Variants in GLMN observed in about 807,000 individuals in gnomAD.
The protein encoded by GLMN is glomulin.
Under a neutral mutation model 87.8 loss-of-function variants are expected in GLMN, and 75 were observed. That is an observed-to-expected ratio of 0.85 (90% CI 0.71 to 1.04). The LOEUF is 1.04. Among genes scored for constraint, GLMN ranks in the 50% least tolerant of loss-of-function variants. The pLI, the probability that GLMN is intolerant of heterozygous loss-of-function variation, is 0.00. For missense variants in GLMN, 588 were observed against 658.8 expected (o/e 0.89, Z 1.18); for synonymous variants, 206 against 221.6 (o/e 0.93, Z 0.63).
intron 9 of GLMN, among the ~76,000 whole-genome samples, chr1:92,269,072 C>T (rs901326276): frequency 2.0e-5 from 3 of 152,036 alleles, no homozygotes; most frequent in Non-Finnish European, 4.4e-5. Flanking sequence ...GCAGGCGCCA[C>T]CACTCCTGGC....
At chr1:92,362,542 A>AATC in the GLMN span, among the ~76,000 whole-genome samples, 3 of 152,180 alleles carry the variant, frequency 2.0e-5, no homozygotes, top group African/African-American at 7.2e-5. Context: ...GCTCAAGTAT[A>AATC]ATCTGCCTTA....
intron 7 of GLMN, among the ~76,000 whole-genome samples, chr1:92,282,623 T>C (rs925209536): frequency 4.0e-5 from 6 of 151,720 alleles, no homozygotes; most frequent in African/African-American, 1.5e-4. Flanking sequence ...ATAACTAAGA[T>C]CAGGGCAGAA....
chr1:92,328,940 C>T, the GLMN span, among the ~76,000 whole-genome samples: 2 of 152,324 alleles, frequency 1.3e-5, no homozygotes, highest in South Asian at 2.1e-4. Flanking sequence ...CCCAGCAGAG[C>T]TACCAGGCTT....
chr1:92,306,294 T>G, the GLMN span, among the ~76,000 whole-genome samples: 2 of 152,226 alleles, frequency 1.3e-5, no homozygotes. Context: ...TGGTAATAGT[T>G]GCACAACAGT....
chr1:92,330,235 A>C, the GLMN span, among the ~76,000 whole-genome samples: 1 of 152,158 alleles, frequency 6.6e-6, no homozygotes, highest in South Asian at 2.1e-4. Context: ...AATTGTTCAG[A>C]ATGAAGATAC....
the GLMN span, among the ~76,000 whole-genome samples, chr1:92,368,323 G>A: frequency 6.6e-6 from 1 of 152,124 alleles, no homozygotes; most frequent in Non-Finnish European, 1.5e-5. Context: ...AAGTTGCAGT[G>A]AGCCGAGATC....
the GLMN span, among the ~76,000 whole-genome samples, chr1:92,313,688 G>A: frequency 6.6e-6 from 1 of 152,128 alleles, no homozygotes; most frequent in South Asian, 2.1e-4. Context: ...TTGAAGCTTT[G>A]ATGCCACATA....
the GLMN span, among the ~76,000 whole-genome samples, chr1:92,370,504 A>G: frequency 6.6e-6 from 1 of 152,220 alleles, no homozygotes; most frequent in African/African-American, 2.4e-5. Context: ...AGAAAATAAA[A>G]TCCTGCAAGA....
intron 16 of GLMN, among the ~76,000 whole-genome samples, chr1:92,251,558 T>C (rs374883212): frequency 1.1e-4 from 16 of 152,026 alleles, no homozygotes; most frequent in African/African-American, 3.9e-4. Flanking sequence ...CCATAAATAA[T>C]GAATCATAAA....
intron 5 of GLMN, 144 bp downstream of exon 5, chr1:92,290,054 A>T: frequency 1.5e-6 from 1 of 669,272 alleles, no homozygotes; most frequent in Non-Finnish European, 2.7e-6. Flanking sequence ...CAGTATTCAC[A>T]TTGGCATTGC....
chr1:92,319,167 C>T, the GLMN span, among the ~76,000 whole-genome samples: 1 of 152,126 alleles, frequency 6.6e-6, no homozygotes, highest in Admixed American at 6.5e-5. Flanking sequence ...GAAATGACAC[C>T]TCTCTGAAAC....
At chr1:92,261,726 TATTTAATCA>T (rs1269238034) in intron 16 of GLMN, among the ~76,000 whole-genome samples, 1 of 151,786 alleles carries the variant, frequency 6.6e-6, no homozygotes, top group Non-Finnish European at 1.5e-5. Context: ...TACAGACAAA[TATTTAATCA>T]ATGTAATGAA....
chr1:92,300,941 A>G (rs183524220), upstream of GLMN, among the ~76,000 whole-genome samples: 16 of 152,358 alleles, frequency 1.1e-4, no homozygotes, highest in Admixed American at 1.0e-3. Context: ...ATACATAATT[A>G]CAAATTGTGA....
chr1:92,345,379 TAAAAAAAAA>T, the GLMN span, among the ~76,000 whole-genome samples: 1 of 73,770 alleles, frequency 1.4e-5, no homozygotes, highest in East Asian at 5.4e-4. Context: ...CCCGTTTCTT[TAAAAAAAAA>T]AAAAAAAAAA....
At chr1:92,334,528 T>C in the GLMN span, among the ~76,000 whole-genome samples, 1 of 152,028 alleles carries the variant, frequency 6.6e-6, no homozygotes, top group Non-Finnish European at 1.5e-5. Flanking sequence ...ACGACAGGGA[T>C]TTACTTTAAA....
chr1:92,309,647 CTG>C, the GLMN span, among the ~76,000 whole-genome samples: 1 of 151,970 alleles, frequency 6.6e-6, no homozygotes, highest in African/African-American at 2.4e-5. Flanking sequence ...AAAACCCAAC[CTG>C]TGAATTTAAC....
chr1:92,272,635 TAG>T (rs1557539727), intron 7 of GLMN, among the ~76,000 whole-genome samples: 1 of 152,128 alleles, frequency 6.6e-6, no homozygotes, highest in Non-Finnish European at 1.5e-5. Flanking sequence ...ATTGTGCCTG[TAG>T]AGAGTGGGAT....
chr1:92,300,333 T>A (rs76677296), upstream of GLMN: 12,314 of 957,244 alleles, frequency 0.013, 373 homozygotes, highest in African/African-American at 0.11. Context: ...CTTTTTTTTT[T>A]TAGAGAAAAT....
At chr1:92,276,423 G>T (rs190727986) in intron 7 of GLMN, among the ~76,000 whole-genome samples, 61 of 152,074 alleles carry the variant, frequency 4.0e-4, no homozygotes, top group Admixed American at 3.9e-3. Flanking sequence ...TACTTTGGGA[G>T]GCCAAAGGCA....
Sources: gnomAD v4.1 joint callset for allele counts (sites outside exome capture counted in the v4.1 genomes callset) on GRCh38, gnomAD v4.1.1 for gene constraint, MANE v1.5 for transcripts, NCBI Gene and HGNC (gene_info 2026-07-23, HGNC 2026-07-21) for gene names.